Variants in R3HDM2 observed in about 807,000 individuals in gnomAD.
The protein encoded by R3HDM2 is R3H domain containing 2.
R3HDM2 carries 38 observed loss-of-function variants against 124.5 expected under a neutral mutation model. The observed-to-expected ratio is 0.31, with a 90% CI of 0.24 to 0.40. The LOEUF (loss-of-function observed/expected upper bound fraction) is 0.40. Among genes scored for constraint, R3HDM2 ranks in the 10% least tolerant of loss-of-function variants. R3HDM2 has a pLI of 1.00. For missense variants in R3HDM2, 869 were observed against 1,236.9 expected (o/e 0.70, Z 4.46); for synonymous variants, 391 against 448.0 (o/e 0.87, Z 1.61).
intron 11 of R3HDM2, among the ~76,000 whole-genome samples, chr12:57,291,808 C>T (rs2048706380): frequency 6.6e-6 from 1 of 152,006 alleles, no homozygotes; most frequent in Non-Finnish European, 1.5e-5. Context: ...GATTTGTTTC[C>T]CTCTTGTACA....
chr12:57,301,683 C>T (rs2051204776), intron 4 of R3HDM2, among the ~76,000 whole-genome samples: 1 of 152,192 alleles, frequency 6.6e-6, no homozygotes, highest in South Asian at 2.1e-4. Context: ...AGCCACAGAG[C>T]CAATTTATCA....
intron 2 of R3HDM2, among the ~76,000 whole-genome samples, chr12:57,379,863 C>T (rs2045944375): frequency 6.6e-6 from 1 of 151,904 alleles, no homozygotes; most frequent in African/African-American, 2.4e-5. Flanking sequence ...CTTAGTGCTT[C>T]CTCTAACTTC....
intron 1 of R3HDM2, among the ~76,000 whole-genome samples, chr12:57,427,521 T>A (rs938486286): frequency 4.6e-5 from 7 of 150,684 alleles, no homozygotes; most frequent in Non-Finnish European, 1.0e-4. Flanking sequence ...AGCTAATTTT[T>A]GTATTTTTAG....
intron 1 of R3HDM2, among the ~76,000 whole-genome samples, chr12:57,414,661 C>A (rs1361078501): frequency 6.6e-6 from 1 of 151,712 alleles, no homozygotes; most frequent in Non-Finnish European, 1.5e-5. Context: ...CATGGCAAAA[C>A]CCCATCTCTA....
chr12:57,362,528 C>T (rs1228402000), intron 2 of R3HDM2, among the ~76,000 whole-genome samples: 3 of 152,088 alleles, frequency 2.0e-5, no homozygotes, highest in East Asian at 1.9e-4. Context: ...CAACAGTAGA[C>T]GATTAATAGT....
At chr12:57,259,169 A>G in intron 19 of R3HDM2, 110 bp from the exon 20 acceptor site, 2 of 1,142,070 alleles carry the variant, frequency 1.8e-6, no homozygotes, top group Non-Finnish European at 2.5e-6. Flanking sequence ...CCTCAGGGTC[A>G]CTCAAGCTAC....
At chr12:57,261,554 A>G (rs2040817132) in intron 19 of R3HDM2, among the ~76,000 whole-genome samples, 1 of 152,110 alleles carries the variant, frequency 6.6e-6, no homozygotes, top group Admixed American at 6.6e-5. Context: ...AAACAAAGCC[A>G]GGGTTTTTAG....
chr12:57,321,270 C>T (rs1342303967), intron 2 of R3HDM2, among the ~76,000 whole-genome samples: 2 of 151,996 alleles, frequency 1.3e-5, no homozygotes, highest in Non-Finnish European at 2.9e-5. Flanking sequence ...TTCCAAAATC[C>T]AAAAAATCTT....
rs1555287264 is a variant in R3HDM2, at chr12:57,360,036, T to TATATATATAC, written c.-36+35712_-36+35713insGTATATATAT. ...ATATATATATATACACACATATATA[T>TATATATATAC]ATATATATATATTTTTTTTTTTTTT... On this transcript the variant is annotated intron_variant, in intron 2 of 23. Transcript: ENST00000402412. Among the ~76,000 whole-genome samples, 148 of 78,268 alleles carry TATATATATAC rather than the reference T, an allele frequency of 1.9e-3. 1 individual carries two copies. The highest frequency in any genetic ancestry group is 3.0e-3 in the Non-Finnish European group (117 of 39,020). The allele number at this position is 78,268 out of a possible 152,430, so 51.3% of individuals were successfully genotyped here.
chr12:57,305,853 G>A (rs1468280575), intron 3 of R3HDM2, among the ~76,000 whole-genome samples: 1 of 152,230 alleles, frequency 6.6e-6, no homozygotes, highest in Non-Finnish European at 1.5e-5. Context: ...AGATAAAATG[G>A]TGAGCCAAAA....
chr12:57,377,454 A>C (rs2077236151), intron 2 of R3HDM2, among the ~76,000 whole-genome samples: 1 of 152,090 alleles, frequency 6.6e-6, no homozygotes, highest in Non-Finnish European at 1.5e-5. Context: ...AGTCATGAAG[A>C]GATAACTGGG....
intron 2 of R3HDM2, among the ~76,000 whole-genome samples, chr12:57,367,253 T>C (rs1358879782): frequency 2.0e-5 from 3 of 152,212 alleles, no homozygotes; most frequent in Admixed American, 2.0e-4. Context: ...AGTAGTTTCC[T>C]CATACCAGTG....
chr12:57,310,871 G>T (rs2053767925), intron 2 of R3HDM2, among the ~76,000 whole-genome samples: 1 of 151,998 alleles, frequency 6.6e-6, no homozygotes, highest in Non-Finnish European at 1.5e-5. Context: ...TTATATAAAT[G>T]GAATCAATCA....
intron 1 of R3HDM2, among the ~76,000 whole-genome samples, chr12:57,421,356 G>T (rs1487440651): frequency 2.0e-5 from 3 of 150,544 alleles, no homozygotes. Flanking sequence ...CTCCATGTTG[G>T]TCAAGCTGGT....
chr12:57,258,997 G>A lies in R3HDM2; in HGVS notation c.2194C>T (p.Pro732Ser), dbSNP rs1368679262. ...MQLNVPNGPQPPQNPSMVQWS... is the reference protein window; with the variant it reads ...MQLNVPNGPQSPQNPSMVQWS... Reference sequence around the variant, plus strand: ...TGGACCATGGATGGGTTCTGAGGGGGCTGGGGTCCATTAGGGACATTCAGC... The same window carrying A: ...TGGACCATGGATGGGTTCTGAGGGGACTGGGGTCCATTAGGGACATTCAGC... The change falls in exon 20 of 24, where the codon CCC (proline) becomes TCC (serine). Residue 732 changes from proline (P) to serine (S), a missense_variant. Physicochemically the swap from Pro to Ser is moderately conservative, Grantham distance 74. Transcript: ENST00000402412. 1 of 1,613,260 alleles carries A rather than the reference G, an allele frequency of 6.2e-7. No individual in the cohort carries two copies. Among genetic ancestry groups the A allele is most frequent in the Admixed American group, 1.7e-5 (1 of 59,960 alleles).
At chr12:57,360,089 C>T (rs1402637766) in intron 2 of R3HDM2, among the ~76,000 whole-genome samples, 1 of 139,486 alleles carries the variant, frequency 7.2e-6, no homozygotes. Flanking sequence ...AGTGTAGTGG[C>T]GTGATCTCAG....
At chr12:57,367,188 C>T (rs1423351327) in intron 2 of R3HDM2, among the ~76,000 whole-genome samples, 1 of 152,160 alleles carries the variant, frequency 6.6e-6, no homozygotes, top group Non-Finnish European at 1.5e-5. Context: ...ACAAAAAATA[C>T]TCATGGCCCT....
At chr12:57,399,208 C>G (rs867609772) in intron 1 of R3HDM2, among the ~76,000 whole-genome samples, 21 of 152,050 alleles carry the variant, frequency 1.4e-4, no homozygotes, top group Admixed American at 5.9e-4. Flanking sequence ...TTGAGACCAG[C>G]CTGGCTGGCG....
chr12:57,364,143 C>CTTT (rs11320875), intron 2 of R3HDM2, among the ~76,000 whole-genome samples: 4 of 81,660 alleles, frequency 4.9e-5, no homozygotes, highest in East Asian at 3.5e-4. Context: ...GACTCGGTGT[C>CTTT]TTTTTTTTTT....
Sources: allele counts gnomAD v4.1 joint callset (sites outside exome capture counted in the v4.1 genomes callset), GRCh38; gene constraint gnomAD v4.1.1; transcripts MANE v1.5; gene names NCBI Gene and HGNC (gene_info 2026-07-23, HGNC 2026-07-21).